Variants in TRIO observed in about 807,000 individuals in gnomAD.
The protein encoded by TRIO is trio Rho guanine nucleotide exchange factor.
A neutral mutation model predicts 351.9 loss-of-function variants in TRIO; 58 were observed. The ratio of observed to expected loss-of-function variants is 0.16; its 90% CI spans 0.13 to 0.21. TRIO has a LOEUF of 0.21. Ranked by LOEUF, TRIO falls within the 10% of genes least tolerant of loss-of-function variation. The pLI is 1.00. For missense variants in TRIO, 3,201 were observed against 4,027.8 expected (o/e 0.79, Z 5.56); for synonymous variants, 1,758 against 1,595.7 (o/e 1.10, Z -2.42).
At chr5:14,472,118 T>C (rs1361947601) in intron 38 of TRIO, among the ~76,000 whole-genome samples, 3 of 152,244 alleles carry the variant, frequency 2.0e-5, no homozygotes, top group African/African-American at 7.2e-5. Flanking sequence ...TGTCTTCTGT[T>C]ATCTGAGTGG....
At chr5:14,156,375 G>A (rs1213792604) in intron 1 of TRIO, among the ~76,000 whole-genome samples, 1 of 152,156 alleles carries the variant, frequency 6.6e-6, no homozygotes, top group Non-Finnish European at 1.5e-5. Flanking sequence ...AGTTGTCCTT[G>A]CTTTTAGGGC....
At chr5:14,498,461 G>A (rs918845069) in intron 52 of TRIO, 58 bp from the exon 53 acceptor site, 77 of 1,582,438 alleles carry the variant, frequency 4.9e-5, no homozygotes, top group Non-Finnish European at 5.9e-5. Context: ...GGAGGCCAGC[G>A]CTGATGGCCA....
intron 8 of TRIO, 99 bp from the exon 9 acceptor site, chr5:14,316,414 G>A: frequency 8.5e-7 from 1 of 1,172,500 alleles, no homozygotes; most frequent in Non-Finnish European, 1.2e-6. Context: ...GTACGTGTGT[G>A]CCTGTATGTG....
rs570270427 is a variant in TRIO at position 14,193,378 on chromosome 5, A to G, written c.157+49496A>G. On this transcript the variant is annotated intron_variant, in intron 1 of 56. Transcript: ENST00000344204. The stretch of plus-strand genomic sequence containing the variant: ...AAATTTAAATGCTTATTTGAGGATT[A>G]GTGGAATTTAATTTTATCTCCTTGT... Among the ~76,000 whole-genome samples, 4 of 152,346 alleles carry G rather than the reference A, an allele frequency of 2.6e-5. No individual in the cohort carries two copies. The South Asian group carries it at 8.3e-4, about 32-fold the overall frequency.
rs916910575 is a variant in TRIO, at chr5:14,487,942, C to T, written c.7314C>T (p.Arg2438=). 3.9e-6 allele frequency: 6 copies of T among 1,546,124 alleles called. No individual in the cohort carries two copies. Among genetic ancestry groups the T allele is most frequent in the South Asian group, 2.4e-5 (2 of 83,808 alleles). The change falls in exon 48 of 57, where the codon CGC becomes CGT. Residue 2438 remains arginine, a synonymous_variant. Transcript: ENST00000344204. ...CAGACGCCCCCGCCAAGGACGCGCGCGCTAGCCTGGGCACCCTGCCGCTTG... is the reference window on the plus strand; with the variant it reads ...CAGACGCCCCCGCCAAGGACGCGCGTGCTAGCCTGGGCACCCTGCCGCTTG... ...SSPDAPAKDA[R]ASLGTLPLGK...
At position 14,372,712 on chromosome 5, in the gene TRIO, T is replaced by C. The variant is rs142777429; in HGVS notation, c.3217-1517T>C. Among the ~76,000 whole-genome samples the C allele has an allele frequency of 3.9e-4, 60 of 152,260 alleles. 1 individual carries two copies. The highest frequency in any genetic ancestry group is 8.1e-4 in the Non-Finnish European group (55 of 68,010). On this transcript the variant is annotated intron_variant, in intron 18 of 56. Transcript: ENST00000344204. Reference sequence around the variant, plus strand: ...TTTTTAGTATCATCATGGATTTAAATATATTTGGTGTGTTTCAAAGCAGTC... The same window carrying C: ...TTTTTAGTATCATCATGGATTTAAACATATTTGGTGTGTTTCAAAGCAGTC...
At chr5:14,404,136 G>T (rs1455008437) in intron 31 of TRIO, among the ~76,000 whole-genome samples, 5 of 151,890 alleles carry the variant, frequency 3.3e-5, no homozygotes, top group African/African-American at 1.2e-4. Flanking sequence ...TGCTGCTGGT[G>T]TGTGTGCTTA....
At position 14,391,648 on chromosome 5, in the gene TRIO, G is replaced by C. The variant is rs139358318; in HGVS notation, c.4218+658G>C. Among the ~76,000 whole-genome samples the C allele has an allele frequency of 4.3e-3, 652 of 152,342 alleles. 3 individuals carry two copies. The highest frequency in any genetic ancestry group is 0.015 in the African/African-American group (609 of 41,578). ...GGGTTTCCAGAACTTGGTCAAATAT[G>C]TGCCAATACATTTTGATTGAAGGAT... On this transcript the variant is annotated intron_variant, in intron 27 of 56. Transcript: ENST00000344204.
intron 1 of TRIO, among the ~76,000 whole-genome samples, chr5:14,206,526 T>C (rs539532733): frequency 6.6e-6 from 1 of 152,344 alleles, no homozygotes; most frequent in South Asian, 2.1e-4. Flanking sequence ...ACTCAACCTC[T>C]TTCTCCCAGT....
In TRIO at chr5:14,507,281, G is replaced by T; in HGVS notation, c.8751+21G>T. 2.5e-6 allele frequency: 4 copies of T among 1,610,304 alleles called. No homozygotes were observed. In the South Asian group the frequency reaches 3.3e-5, roughly 13 times the overall value. On this transcript the variant is annotated intron_variant, in intron 56 of 56. Coordinates refer to ENST00000344204, the MANE Select transcript of TRIO (RefSeq NM_007118.4). Reference sequence around the variant, plus strand: ...TAAAGGTTGGTGAGGCCCCGGGCAGGTGAAGGGGGGTCTGAGCACACCGGC... The same window carrying T: ...TAAAGGTTGGTGAGGCCCCGGGCAGTTGAAGGGGGGTCTGAGCACACCGGC...
At chr5:14,338,801 C>T (rs1020389711) in intron 11 of TRIO, among the ~76,000 whole-genome samples, 4 of 152,030 alleles carry the variant, frequency 2.6e-5, no homozygotes, top group Non-Finnish European at 4.4e-5. Context: ...GAGGCCAAAT[C>T]GAGAGGAAGG....
chr5:14,264,100 T>C (rs1795509358), intron 1 of TRIO, among the ~76,000 whole-genome samples: 1 of 152,220 alleles, frequency 6.6e-6, no homozygotes, highest in Non-Finnish European at 1.5e-5. Context: ...ATTGCACAAT[T>C]AATACATAAT....
intron 1 of TRIO, among the ~76,000 whole-genome samples, chr5:14,148,652 G>T (rs895818380): frequency 2.0e-5 from 3 of 152,148 alleles, no homozygotes; most frequent in African/African-American, 7.2e-5. Context: ...GCAGGAAATA[G>T]TAGCGACTCC....
At chr5:14,248,312 A>T (rs1169432771) in intron 1 of TRIO, among the ~76,000 whole-genome samples, 1 of 152,022 alleles carries the variant, frequency 6.6e-6, no homozygotes, top group African/African-American at 2.4e-5. Context: ...GGCATTAGGT[A>T]ACTGAAATCT....
intron 3 of TRIO, among the ~76,000 whole-genome samples, chr5:14,282,782 G>A (rs948928320): frequency 4.0e-5 from 6 of 151,882 alleles, no homozygotes; most frequent in African/African-American, 1.2e-4. Context: ...ATGACCCTCC[G>A]GCCACTGAAC....
intron 11 of TRIO, among the ~76,000 whole-genome samples, chr5:14,348,786 TTGTG>T (rs1196527049): frequency 1.4e-5 from 2 of 139,880 alleles, no homozygotes; most frequent in Admixed American, 7.1e-5. Context: ...TCCTGCATGT[TTGTG>T]TGTGTACGCA....
At chr5:14,406,037 G>A in intron 32 of TRIO, 47 bp downstream of exon 32, 1 of 1,596,464 alleles carries the variant, frequency 6.3e-7, no homozygotes. Flanking sequence ...GGGAGGGAGG[G>A]GCGAGGCGGT....
At chr5:14,306,693 C>T (rs1200172966) in intron 8 of TRIO, among the ~76,000 whole-genome samples, 1 of 152,190 alleles carries the variant, frequency 6.6e-6, no homozygotes, top group Non-Finnish European at 1.5e-5. Context: ...CCTGGGAATA[C>T]AGTCTTTGTG....
intron 13 of TRIO, among the ~76,000 whole-genome samples, chr5:14,360,147 C>CA (rs1220045951): frequency 1.3e-5 from 2 of 152,162 alleles, no homozygotes; most frequent in African/African-American, 4.8e-5. Flanking sequence ...ACAAAAAACA[C>CA]AATTTCCCCC....
Sources: allele counts gnomAD v4.1 joint callset (sites outside exome capture counted in the v4.1 genomes callset), GRCh38; gene constraint gnomAD v4.1.1; transcripts MANE v1.5; gene names NCBI Gene and HGNC (gene_info 2026-07-23, HGNC 2026-07-21).